NDUFAF5: variants seen among roughly 807,000 people sequenced by gnomAD.
NDUFAF5 encodes the protein arginine-hydroxylase NDUFAF5, mitochondrial.
A neutral mutation model predicts 48.9 loss-of-function variants in NDUFAF5; 34 were observed. That is an observed-to-expected ratio of 0.70 (90% confidence interval 0.53 to 0.93). NDUFAF5 has a LOEUF of 0.93. NDUFAF5 is among the 40% of genes least tolerant of loss of function. The pLI is 0.00. For synonymous variants in NDUFAF5, 153 were observed against 150.6 expected, an observed-to-expected ratio of 1.02 and a Z score of -0.12; for missense variants, 428 against 427.5, an observed-to-expected ratio of 1.00 and a Z score of -0.01.
chr20:13,801,087 T>C (rs1007980927), intron 6 of NDUFAF5, among the ~76,000 whole-genome samples: 1 of 152,182 alleles, frequency 6.6e-6, no homozygotes, highest in African/African-American at 2.4e-5. Context: ...ATAGACTCCC[T>C]ATCTTGATGA....
At chr20:13,810,913 T>G (rs1266525628) in intron 8 of NDUFAF5, among the ~76,000 whole-genome samples, 1 of 152,036 alleles carries the variant, frequency 6.6e-6, no homozygotes, top group African/African-American at 2.4e-5. Context: ...TAATATATGC[T>G]AAGAATGAAA....
At chr20:13,800,045 G>A (rs933826742) in intron 6 of NDUFAF5, among the ~76,000 whole-genome samples, 1 of 152,166 alleles carries the variant, frequency 6.6e-6, no homozygotes, top group South Asian at 2.1e-4. Context: ...CCTTGTAGGG[G>A]TTGGAGGGAG....
At chr20:13,810,998 C>G (rs1390372169) in intron 8 of NDUFAF5, among the ~76,000 whole-genome samples, 1 of 152,142 alleles carries the variant, frequency 6.6e-6, no homozygotes, top group Non-Finnish European at 1.5e-5. Context: ...AACTGACCAT[C>G]AACAGGAGGT....
chr20:13,795,470 C>G (rs541475629), intron 5 of NDUFAF5, among the ~76,000 whole-genome samples: 1 of 152,054 alleles, frequency 6.6e-6, no homozygotes, highest in Admixed American at 6.6e-5. Flanking sequence ...TGGACAAATT[C>G]TGGACAAACT....
intron 5 of NDUFAF5, among the ~76,000 whole-genome samples, chr20:13,796,612 G>A (rs112708538): frequency 3.9e-5 from 6 of 152,258 alleles, no homozygotes; most frequent in African/African-American, 7.2e-5. Context: ...AAGTGTGACC[G>A]TACTCTAAGG....
chr20:13,801,830 A>G, intron 7 of NDUFAF5, 147 bp downstream of exon 7: 1 of 665,632 alleles, frequency 1.5e-6, no homozygotes, highest in Non-Finnish European at 2.6e-6. Flanking sequence ...AAAAGCTCTG[A>G]TTGACAATGT....
At chr20:13,810,870 CT>C (rs2147604029) in intron 8 of NDUFAF5, among the ~76,000 whole-genome samples, 1 of 152,146 alleles carries the variant, frequency 6.6e-6, no homozygotes, top group East Asian at 1.9e-4. Context: ...AAGTTCCCAT[CT>C]TGTGGGTCTA....
At chr20:13,789,835 G>A (rs1348154733) in intron 3 of NDUFAF5, among the ~76,000 whole-genome samples, 2 of 152,178 alleles carry the variant, frequency 1.3e-5, no homozygotes, top group African/African-American at 2.4e-5. Context: ...TTGGGCCAGG[G>A]TGAGGAAGGG....
chr20:13,789,712 A>G (rs555722331), intron 3 of NDUFAF5, among the ~76,000 whole-genome samples: 16 of 150,068 alleles, frequency 1.1e-4, no homozygotes, highest in Non-Finnish European at 2.2e-4. Flanking sequence ...TCCTGACCTC[A>G]TGATCTGTCC....
At chr20:13,795,150 CT>C (rs1422132289) in intron 5 of NDUFAF5, among the ~76,000 whole-genome samples, 1 of 152,080 alleles carries the variant, frequency 6.6e-6, no homozygotes, top group Non-Finnish European at 1.5e-5. Flanking sequence ...AAAAAGGTAG[CT>C]GGGCGTGGTG....
At position 13,801,496 on chromosome 20, in the gene NDUFAF5, T is replaced by G. The variant is rs1984112204; in HGVS notation, c.530T>G (p.Ile177Ser). 2 of 1,608,794 alleles carry G rather than the reference T, an allele frequency of 1.2e-6. No individual in the cohort carries two copies. The highest frequency in any genetic ancestry group is 1.7e-6 in the Non-Finnish European group (2 of 1,176,172). The change falls in exon 7 of 11, where the codon ATT becomes AGT. Residue 177 changes from isoleucine to serine, a missense_variant. Transcript: ENST00000378106. ...TTGTATTTATTACAGATTCATTATA[T>G]TTTAAAACCAGATGGAGTGTTTATC... ...LPRALEQIHY[I>S]LKPDGVFIGA...
At chr20:13,812,908 G>T (rs1986043782) in intron 8 of NDUFAF5, 2 of 152,156 alleles carry the variant, frequency 1.3e-5, no homozygotes, top group African/African-American at 4.8e-5. Flanking sequence ...AGGTAGCCTT[G>T]TGCTCCTTCC....
At chr20:13,794,979 C>T (rs1431136029) in intron 5 of NDUFAF5, 38 bp downstream of exon 5, 6 of 1,379,424 alleles carry the variant, frequency 4.3e-6, no homozygotes, top group Non-Finnish European at 6.2e-6. Context: ...ATGTTATAAA[C>T]AGATCATTCT....
chr20:13,792,033 C>A (rs747006435), intron 3 of NDUFAF5, among the ~76,000 whole-genome samples: 1 of 152,214 alleles, frequency 6.6e-6, no homozygotes, highest in Non-Finnish European at 1.5e-5. Flanking sequence ...CAGTCCCCAA[C>A]CAAGAGCCAG....
chr20:13,804,993 C>G lies in NDUFAF5; in HGVS notation c.717+3310C>G, dbSNP rs147386340. ...AGATTAGGAACCAGTGATTTAAAGC[C>G]TTTTTGATAATATTTATTTTACTTA... On this transcript the variant is annotated intron_variant, in intron 7 of 10. Transcript: ENST00000378106. Among the ~76,000 whole-genome samples, 1,084 of 152,164 alleles carry G rather than the reference C, an allele frequency of 7.1e-3. 8 individuals are homozygous for G. The highest frequency in any genetic ancestry group is 0.01 in the Non-Finnish European group (685 of 67,996).
In NDUFAF5 at chr20:13,817,299, C is replaced by T. The variant is rs1294314217; in HGVS notation, c.*89C>T. The T allele has an allele frequency of 9.8e-7, 1 of 1,022,172 alleles. No homozygotes were observed. Among genetic ancestry groups the T allele is most frequent in the Non-Finnish European group, 1.6e-6 (1 of 641,552 alleles). The allele number at this position is 1,022,172 out of a possible 1,614,324, so 63.3% of individuals were successfully genotyped here. On this transcript the variant is annotated 3_prime_UTR_variant, in exon 11 of 11. Coordinates refer to ENST00000378106, the MANE Select transcript of NDUFAF5 (RefSeq NM_024120.5). ...AATTATTATATTTTGAAGCAAGAAG[C>T]ACTCTAAGCTATTTACTAATAGGCT...
At chr20:13,793,066 A>G (rs1261112247) in intron 3 of NDUFAF5, 114 bp from the exon 4 acceptor site, 2 of 1,137,986 alleles carry the variant, frequency 1.8e-6, no homozygotes, top group Non-Finnish European at 1.3e-6. Context: ...TTATGCAGAA[A>G]TATACCTTTA....
At chr20:13,800,394 T>C (rs144631487) in intron 6 of NDUFAF5, among the ~76,000 whole-genome samples, 3 of 152,246 alleles carry the variant, frequency 2.0e-5, no homozygotes, top group Non-Finnish European at 4.4e-5. Context: ...GTACTTTTAT[T>C]AGAAGAGCCT....
At chr20:13,803,509 C>T (rs555301744) in intron 7 of NDUFAF5, 1 of 152,256 alleles carries the variant, frequency 6.6e-6, no homozygotes, top group African/African-American at 2.4e-5. Context: ...ACAGATAAAG[C>T]GAAAGTCTGT....
Sources: gnomAD v4.1 joint callset for allele counts (sites outside exome capture counted in the v4.1 genomes callset) on GRCh38, gnomAD v4.1.1 for gene constraint, MANE v1.5 for transcripts, NCBI Gene and HGNC (gene_info 2026-07-23, HGNC 2026-07-21) for gene names.